The following ANGPT2 variants were observed in gnomAD, a reference collection of about 807,000 sequenced individuals.
ANGPT2 encodes angiopoietin-2.
ANGPT2 carries 28 observed loss-of-function variants against 62.9 expected under a neutral mutation model. The ratio of observed to expected loss-of-function variants is 0.44; its 90% confidence interval spans 0.33 to 0.61. The LOEUF is 0.61. Among genes scored for constraint, ANGPT2 ranks in the 20% least tolerant of loss-of-function variants. The probability of loss-of-function intolerance (pLI) is 0.03; values close to 1 mark genes in which losing one functional copy is unlikely to be tolerated. For synonymous variants in ANGPT2, 284 were observed against 207.8 expected (o/e 1.37, Z -3.15); for missense variants, 727 against 594.9 (o/e 1.22, Z -2.31).
intron 2 of ANGPT2, among the ~76,000 whole-genome samples, chr8:6,531,567 C>A (rs957664044): frequency 6.6e-6 from 1 of 152,190 alleles, no homozygotes. Flanking sequence ...GCTGGAATTA[C>A]AGGCGTGAGC....
intron 5 of ANGPT2, among the ~76,000 whole-genome samples, chr8:6,517,345 G>A (rs924074150): frequency 1.8e-4 from 28 of 152,258 alleles, no homozygotes; most frequent in African/African-American, 6.3e-4. Flanking sequence ...ATTAAGTGAC[G>A]GGTTAAATAG....
At chr8:6,520,597 T>C (rs190058771) in intron 4 of ANGPT2, among the ~76,000 whole-genome samples, 2 of 152,318 alleles carry the variant, frequency 1.3e-5, no homozygotes, top group African/African-American at 2.4e-5. Flanking sequence ...GATTTCACCA[T>C]GTTGGCCACG....
intron 1 of ANGPT2, among the ~76,000 whole-genome samples, chr8:6,555,055 G>C (rs1824349970): frequency 6.6e-6 from 1 of 152,110 alleles, no homozygotes; most frequent in South Asian, 2.1e-4. Flanking sequence ...ACATAAAACA[G>C]TCATTTTAAT....
chr8:6,530,814 A>G (rs1819360991), intron 2 of ANGPT2, among the ~76,000 whole-genome samples: 2 of 152,176 alleles, frequency 1.3e-5, no homozygotes, highest in African/African-American at 2.4e-5. Flanking sequence ...TCATCCAACC[A>G]TTTTTAGGAA....
chr8:6,532,603 G>T, intron 1 of ANGPT2, 116 bp from the exon 2 acceptor site: 2 of 725,152 alleles, frequency 2.8e-6, no homozygotes, highest in Non-Finnish European at 4.0e-6. Flanking sequence ...TCTATCAAAA[G>T]ACTTGTACCT....
At chr8:6,539,900 T>C (rs1045694294) in intron 1 of ANGPT2, among the ~76,000 whole-genome samples, 3 of 152,234 alleles carry the variant, frequency 2.0e-5, no homozygotes, top group Non-Finnish European at 1.5e-5. Context: ...TAATAATTTA[T>C]GAGTGACTAT....
chr8:6,499,875 T>A lies in ANGPT2; in HGVS notation c.*3226A>T, dbSNP rs1432787274. ...AGGTGCTATGGTCTTTAGAATTGGG[T>A]CACTGGATTTCTGAGGAGCCGTTCG... On this transcript the variant is annotated 3_prime_UTR_variant, in exon 9 of 9. Transcript: ENST00000629816. 1.9e-6 allele frequency: 3 copies of A among 1,613,412 alleles called. No individual in the cohort carries two copies. Among genetic ancestry groups the A allele is most frequent in the Non-Finnish European group, 2.5e-6 (3 of 1,179,970 alleles).
Position 6,521,420 on chromosome 8 carries a change from A to G in ANGPT2, c.567-10T>C, listed in dbSNP as rs1817310842. ...CTTCTTTTCTAGGAAACTTGTAAGG[A>G]AAAGAATTGTTAGTTAGTGAAGGCT... On this transcript the variant is annotated splice_polypyrimidine_tract_variant and intron_variant, in intron 3 of 8. Coordinates refer to ENST00000629816, the MANE Select transcript of ANGPT2 (RefSeq NM_001118887.2). 6.3e-7 allele frequency: 1 copy of G among 1,587,884 alleles called. No homozygotes were observed. The highest frequency in any genetic ancestry group is 8.6e-7 in the Non-Finnish European group (1 of 1,163,350).
rs1823569419 is a variant in ANGPT2, at chr8:6,551,100, C to G, written c.288+11547G>C. Reference sequence around the variant, plus strand: ...AGGGATTTCCTTGGGTGCTTACCTTCCACGGCTCCTGGGCCCCTGACTCGA... The same window carrying G: ...AGGGATTTCCTTGGGTGCTTACCTTGCACGGCTCCTGGGCCCCTGACTCGA... On this transcript the variant is annotated intron_variant, in intron 1 of 8. Transcript: ENST00000629816. 8.5e-5 allele frequency among the ~76,000 whole-genome samples: 13 copies of G among 152,316 alleles called. No homozygotes were observed. The South Asian group carries it at 2.7e-3, about 32-fold the overall frequency.
intron 8 of ANGPT2, among the ~76,000 whole-genome samples, chr8:6,505,208 A>AATATATATATATTCTTATGTATATATAGG (rs1813078618): frequency 1.7e-5 from 1 of 60,082 alleles, no homozygotes; most frequent in Admixed American, 2.4e-4. Context: ...GTATATATAG[A>AATATATATATATTCTTATGTATATATAGG]ATATATATAT....
At chr8:6,542,598 T>A (rs775436150) in intron 1 of ANGPT2, among the ~76,000 whole-genome samples, 50 of 99,536 alleles carry the variant, frequency 5.0e-4, no homozygotes, top group South Asian at 1.3e-3. Context: ...TATTCTTATC[T>A]TAAAAAAAAA....
At chr8:6,524,189 C>T (rs184107897) in intron 3 of ANGPT2, among the ~76,000 whole-genome samples, 99 of 152,228 alleles carry the variant, frequency 6.5e-4, no homozygotes, top group African/African-American at 2.3e-3. Context: ...GGAAGGGGAC[C>T]TCATATTCCC....
At chr8:6,538,793 A>T (rs1353990068) in intron 1 of ANGPT2, among the ~76,000 whole-genome samples, 1 of 152,220 alleles carries the variant, frequency 6.6e-6, no homozygotes, top group Non-Finnish European at 1.5e-5. Flanking sequence ...AGAATCCTCA[A>T]ACTCTGCAAC....
intron 1 of ANGPT2, among the ~76,000 whole-genome samples, chr8:6,548,345 G>A (rs775557029): frequency 6.6e-6 from 1 of 152,154 alleles, no homozygotes; most frequent in Non-Finnish European, 1.5e-5. Context: ...CCACTTAGAT[G>A]CCTTTCATGG....
chr8:6,522,392 C>T (rs1388833353), intron 3 of ANGPT2, among the ~76,000 whole-genome samples: 1 of 151,408 alleles, frequency 6.6e-6, no homozygotes, highest in Non-Finnish European at 1.5e-5. Flanking sequence ...CTTAGACTAG[C>T]GCCTGTCATA....
chr8:6,558,219 A>T (rs1053610766), intron 1 of ANGPT2, among the ~76,000 whole-genome samples: 1 of 152,202 alleles, frequency 6.6e-6, no homozygotes, highest in African/African-American at 2.4e-5. Context: ...CATTTTAAAT[A>T]AAGGGCTGGT....
chr8:6,523,135 C>G (rs1219240490), intron 3 of ANGPT2, among the ~76,000 whole-genome samples: 5 of 151,922 alleles, frequency 3.3e-5, no homozygotes, highest in Non-Finnish European at 4.4e-5. Context: ...GTAGCTGGGA[C>G]TACAGGCGCA....
chr8:6,512,599 T>C (rs1815379367), intron 7 of ANGPT2, among the ~76,000 whole-genome samples: 2 of 152,198 alleles, frequency 1.3e-5, no homozygotes, highest in Non-Finnish European at 2.9e-5. Context: ...TCTCTGCCCC[T>C]CCCGTTGCAC....
At chr8:6,545,224 T>C (rs1173153873) in intron 1 of ANGPT2, among the ~76,000 whole-genome samples, 1 of 152,208 alleles carries the variant, frequency 6.6e-6, no homozygotes, top group Admixed American at 6.5e-5. Context: ...GGGAGCCTTC[T>C]GGAGTGCTGA....
Sources: allele counts gnomAD v4.1 joint callset (sites outside exome capture counted in the v4.1 genomes callset), GRCh38; gene constraint gnomAD v4.1.1; transcripts MANE v1.5; gene names NCBI Gene and HGNC (gene_info 2026-07-23, HGNC 2026-07-21).